ZNF804B: variants seen among roughly 807,000 people sequenced by gnomAD.
ZNF804B encodes the protein zinc finger 804B.
In ZNF804B, 80 loss-of-function variants were observed where a neutral mutation model predicts 101.4. That is an observed-to-expected ratio of 0.79 (90% CI 0.66 to 0.95). The LOEUF is 0.95. ZNF804B is among the 40% of genes least tolerant of loss of function. The pLI, the probability that ZNF804B is intolerant of heterozygous loss-of-function variation, is 0.00. For synonymous variants in ZNF804B, 622 were observed against 558.8 expected, an observed-to-expected ratio of 1.11 and a Z score of -1.59; for missense variants, 1,673 against 1,561.9, an observed-to-expected ratio of 1.07 and a Z score of -1.20.
chr7:88,823,269 G>A (rs568182412), intron 1 of ZNF804B, among the ~76,000 whole-genome samples: 1 of 152,200 alleles, frequency 6.6e-6, no homozygotes, highest in South Asian at 2.1e-4. Flanking sequence ...ATTCAGTGAA[G>A]TCATAGTGCA....
At chr7:89,228,449 T>C (rs1324380094) in intron 2 of ZNF804B, among the ~76,000 whole-genome samples, 1 of 151,794 alleles carries the variant, frequency 6.6e-6, no homozygotes, top group Non-Finnish European at 1.5e-5. Context: ...GCTAGACACA[T>C]AGGTTCTCCA....
intron 2 of ZNF804B, among the ~76,000 whole-genome samples, chr7:89,309,692 G>A (rs375000932): frequency 9.0e-5 from 13 of 144,926 alleles, no homozygotes; most frequent in African/African-American, 1.8e-4. Flanking sequence ...CCATGCAGGC[G>A]GAGGTTACAA....
intron 1 of ZNF804B, among the ~76,000 whole-genome samples, chr7:88,982,118 G>A (rs1016772778): frequency 2.0e-5 from 3 of 151,712 alleles, no homozygotes; most frequent in Admixed American, 6.6e-5. Flanking sequence ...TGTGACTTGG[G>A]GGCTCCTTTG....
At chr7:89,107,847 G>A (rs1233298788) in intron 1 of ZNF804B, among the ~76,000 whole-genome samples, 2 of 152,116 alleles carry the variant, frequency 1.3e-5, no homozygotes, top group East Asian at 3.9e-4. Flanking sequence ...GGCATGGGGG[G>A]TATTCTCTGA....
intron 1 of ZNF804B, among the ~76,000 whole-genome samples, chr7:89,044,746 G>T (rs956613031): frequency 2.6e-5 from 4 of 152,074 alleles, no homozygotes; most frequent in Non-Finnish European, 4.4e-5. Flanking sequence ...ATGACTTAGG[G>T]TATCTGGCAG....
At chr7:89,220,949 T>C (rs1459466302) in intron 2 of ZNF804B, among the ~76,000 whole-genome samples, 2 of 152,040 alleles carry the variant, frequency 1.3e-5, no homozygotes, top group Non-Finnish European at 2.9e-5. Context: ...TCACTGGTTT[T>C]TATGGATAGA....
At chr7:88,810,331 A>G (rs1790764532) in intron 1 of ZNF804B, among the ~76,000 whole-genome samples, 1 of 152,124 alleles carries the variant, frequency 6.6e-6, no homozygotes, top group Admixed American at 6.6e-5. Context: ...TTTAAAATAT[A>G]TTTAAAGACA....
At chr7:88,986,318 A>T (rs1194971420) in intron 1 of ZNF804B, among the ~76,000 whole-genome samples, 1 of 152,098 alleles carries the variant, frequency 6.6e-6, no homozygotes, top group East Asian at 1.9e-4. Context: ...TTTAACAATT[A>T]TGAAATTTAT....
At chr7:89,039,870 A>G (rs1452535946) in intron 1 of ZNF804B, among the ~76,000 whole-genome samples, 1 of 151,972 alleles carries the variant, frequency 6.6e-6, no homozygotes, top group African/African-American at 2.4e-5. Flanking sequence ...TTTCTTTCAT[A>G]TGTGATAAGT....
intron 1 of ZNF804B, among the ~76,000 whole-genome samples, chr7:88,963,820 A>T (rs1251734976): frequency 6.6e-6 from 1 of 151,446 alleles, no homozygotes; most frequent in Non-Finnish European, 1.5e-5. Context: ...TCTACAAATT[A>T]TGAACAAACA....
At chr7:89,322,904 C>A (rs1055562067) in intron 2 of ZNF804B, among the ~76,000 whole-genome samples, 12 of 152,120 alleles carry the variant, frequency 7.9e-5, no homozygotes, top group Non-Finnish European at 1.5e-4. Context: ...GAGGATAAAA[C>A]ATTCTCTAAC....
chr7:89,010,105 T>C (rs1788432678), intron 1 of ZNF804B, among the ~76,000 whole-genome samples: 1 of 152,186 alleles, frequency 6.6e-6, no homozygotes, highest in South Asian at 2.1e-4. Flanking sequence ...AAGGACTGTT[T>C]CTCTTATCTT....
At chr7:89,259,681 G>A (rs781044997) in intron 2 of ZNF804B, among the ~76,000 whole-genome samples, 16 of 152,086 alleles carry the variant, frequency 1.1e-4, no homozygotes, top group Non-Finnish European at 2.9e-5. Context: ...GGTGCTAGGG[G>A]CATTGTCCAA....
chr7:88,910,358 A>G (rs1386048151), intron 1 of ZNF804B, among the ~76,000 whole-genome samples: 1 of 151,874 alleles, frequency 6.6e-6, no homozygotes, highest in Admixed American at 6.6e-5. Flanking sequence ...AATTGCTTCA[A>G]GGTGAAGCAG....
intron 1 of ZNF804B, among the ~76,000 whole-genome samples, chr7:88,900,357 AT>A (rs1792370027): frequency 6.6e-6 from 1 of 151,886 alleles, no homozygotes; most frequent in Non-Finnish European, 1.5e-5. Context: ...AACTATGGAT[AT>A]TGCATTCCTA....
At chr7:88,921,262 C>T (rs1467311232) in intron 1 of ZNF804B, among the ~76,000 whole-genome samples, 1 of 151,926 alleles carries the variant, frequency 6.6e-6, no homozygotes, top group East Asian at 1.9e-4. Context: ...AGACAAAAAA[C>T]TGGATGGTGA....
chr7:89,300,048 C>A (rs80295517), intron 2 of ZNF804B, among the ~76,000 whole-genome samples: 2,893 of 151,560 alleles, frequency 0.019, 79 homozygotes, highest in African/African-American at 0.066. Flanking sequence ...AGCACATCAC[C>A]ATCTCCTGCT....
chr7:89,154,046 A>C (rs1790917983), intron 1 of ZNF804B, among the ~76,000 whole-genome samples: 1 of 130,670 alleles, frequency 7.7e-6, no homozygotes, highest in Admixed American at 7.6e-5. Context: ...GAAAAAATCT[A>C]ATAATCCAAT....
At chr7:89,185,994 C>A (rs1363589068) in intron 1 of ZNF804B, among the ~76,000 whole-genome samples, 1 of 151,942 alleles carries the variant, frequency 6.6e-6, no homozygotes, top group Non-Finnish European at 1.5e-5. Context: ...ATATTAAAAT[C>A]TATTATGGCT....
Sources: gnomAD v4.1 joint callset for allele counts (sites outside exome capture counted in the v4.1 genomes callset) on GRCh38, gnomAD v4.1.1 for gene constraint, MANE v1.5 for transcripts, NCBI Gene and HGNC (gene_info 2026-07-23, HGNC 2026-07-21) for gene names.